LMCD1: variants seen among roughly 807,000 people sequenced by gnomAD.
LMCD1 encodes the protein LIM and cysteine rich domains 1.
A neutral mutation model predicts 42.7 loss-of-function variants in LMCD1; 32 were observed. That is an observed-to-expected ratio of 0.75 (90% confidence interval 0.57 to 1.01). The LOEUF (loss-of-function observed/expected upper bound fraction) is 1.01. Ranked by LOEUF, LMCD1 falls within the 50% of genes least tolerant of loss-of-function variation. LMCD1 has a pLI of 0.00. For synonymous variants in LMCD1, 178 were observed against 184.9 expected (o/e 0.96, Z 0.30); for missense variants, 458 against 483.1 (o/e 0.95, Z 0.49).
chr3:8,559,834 C>T (rs1347970782), intron 4 of LMCD1, among the ~76,000 whole-genome samples: 2 of 152,134 alleles, frequency 1.3e-5, no homozygotes, highest in Non-Finnish European at 2.9e-5. Context: ...TGAGAGGGCT[C>T]CTTACCTGGA....
intron 4 of LMCD1, among the ~76,000 whole-genome samples, chr3:8,552,595 A>G (rs1394988437): frequency 6.6e-6 from 1 of 152,144 alleles, no homozygotes. Flanking sequence ...CACTTTGAGG[A>G]CCGCTGCTAA....
intron 1 of LMCD1, among the ~76,000 whole-genome samples, chr3:8,516,525 A>G (rs1694104675): frequency 6.6e-6 from 1 of 152,166 alleles, no homozygotes; most frequent in South Asian, 2.1e-4. Flanking sequence ...AGTGCAAGAA[A>G]TCCTGAGAAG....
At chr3:8,534,880 T>C (rs1030346425) in intron 2 of LMCD1, among the ~76,000 whole-genome samples, 1 of 151,892 alleles carries the variant, frequency 6.6e-6, no homozygotes, top group Admixed American at 6.6e-5. Context: ...ACATGAAGAG[T>C]GTGAATAAAA....
chr3:8,550,336 C>T, intron 4 of LMCD1: 2 of 991,674 alleles, frequency 2.0e-6, no homozygotes, highest in Non-Finnish European at 2.4e-6. Flanking sequence ...GATAGAAGTC[C>T]CAGCACACGA....
intron 1 of LMCD1, among the ~76,000 whole-genome samples, chr3:8,530,325 C>A (rs908059127): frequency 4.6e-5 from 7 of 152,238 alleles, no homozygotes; most frequent in Admixed American, 4.6e-4. Flanking sequence ...AATGACTCAT[C>A]TCCAGTTACA....
chr3:8,571,140 G>C lies in LMCD1; in HGVS notation c.*3542G>C, dbSNP rs576407309. 2.0e-5 allele frequency: 3 copies of C among 152,262 alleles called. No individual in the cohort carries two copies. In the East Asian group the frequency reaches 5.8e-4, roughly 29 times the overall value. 9.4% of individuals were successfully genotyped at this position (152,262 alleles called of 1,614,324 possible). A position where few individuals can be genotyped will look rare whatever the true frequency, so the allele number is the denominator to read the frequency against. On this transcript the variant is annotated 3_prime_UTR_variant, in exon 6 of 6. Coordinates refer to ENST00000157600, the MANE Select transcript of LMCD1 (RefSeq NM_014583.4). ...TTTCCTCCCTCACCCTTCCCTTGGG[G>C]TGTTTTAGGTGCCCTTTATCTGTAA...
chr3:8,508,827 C>T (rs1693936124), intron 1 of LMCD1, among the ~76,000 whole-genome samples: 4 of 152,048 alleles, frequency 2.6e-5, no homozygotes, highest in Admixed American at 1.3e-4. Flanking sequence ...CCAGAGTATC[C>T]CAGTTTTGTG....
In LMCD1 at chr3:8,573,086, G is replaced by A. The variant is rs1462897601; in HGVS notation, c.*5488G>A. 1.3e-5 allele frequency: 2 copies of A among 152,146 alleles called. No homozygotes were observed. Among genetic ancestry groups the A allele is most frequent in the African/African-American group, 4.8e-5 (2 of 41,410 alleles). The allele number at this position is 152,146 out of a possible 1,614,324, so 9.4% of individuals were successfully genotyped here. A position where few individuals can be genotyped will look rare whatever the true frequency, so the allele number is the denominator to read the frequency against. On this transcript the variant is annotated 3_prime_UTR_variant, in exon 6 of 6. Coordinates refer to ENST00000157600, the MANE Select transcript of LMCD1 (RefSeq NM_014583.4). ...TTGATTTTCTTATTTTCTATGTAGG[G>A]TGGTACATTTCCTCATTTTGAGATA...
Position 8,520,535 on chromosome 3 carries a change from C to T in LMCD1, c.43-12202C>T, listed in dbSNP as rs561447493. ...GGGGTCCCCACAGGGACCTTATTTT[C>T]TTCTATCTTGATTTCCCTCAAGCTA... On this transcript the variant is annotated intron_variant, in intron 1 of 5. Transcript: ENST00000157600. Among the ~76,000 whole-genome samples the T allele has an allele frequency of 3.3e-5, 5 of 152,276 alleles. No homozygotes were observed. The South Asian group carries it at 1.0e-3, about 32-fold the overall frequency.
intron 1 of LMCD1, among the ~76,000 whole-genome samples, chr3:8,507,471 C>T (rs1693907962): frequency 1.3e-5 from 2 of 152,108 alleles, no homozygotes; most frequent in South Asian, 4.1e-4. Flanking sequence ...AGAAGCAAAC[C>T]CTTTTACATT....
chr3:8,542,687 G>A lies in LMCD1; in HGVS notation c.387+5247G>A, dbSNP rs187727116. Among the ~76,000 whole-genome samples the A allele has an allele frequency of 4.6e-5, 7 of 152,322 alleles. No homozygotes were observed. In the East Asian group the frequency reaches 1.4e-3, roughly 29 times the overall value. The stretch of plus-strand genomic sequence containing the variant: ...TATTTTTCCTCTTGGAAAATCATCC[G>A]TCTTCTAGAGAGGCAGCAGAGAAGG... On this transcript the variant is annotated intron_variant, in intron 3 of 5. Coordinates refer to ENST00000157600, the MANE Select transcript of LMCD1 (RefSeq NM_014583.4).
chr3:8,552,313 G>A (rs9818452), intron 4 of LMCD1, among the ~76,000 whole-genome samples: 3,035 of 152,262 alleles, frequency 0.02, 115 homozygotes, highest in African/African-American at 0.07. Context: ...GCTTATTCCT[G>A]GGAGAGCTAC....
chr3:8,561,712 G>C (rs1253760347), intron 4 of LMCD1, among the ~76,000 whole-genome samples: 8 of 152,186 alleles, frequency 5.3e-5, no homozygotes, highest in Non-Finnish European at 7.3e-5. Flanking sequence ...ATTTCTAAGA[G>C]AGAAGATAAT....
At chr3:8,537,464 C>T (rs772468315) in intron 3 of LMCD1, 24 bp downstream of exon 3, 2 of 1,533,626 alleles carry the variant, frequency 1.3e-6, no homozygotes, top group South Asian at 2.6e-5. Flanking sequence ...CCCAACCAAG[C>T]AGTTGTTTTC....
At chr3:8,541,075 C>T (rs1366378963) in intron 3 of LMCD1, among the ~76,000 whole-genome samples, 1 of 152,208 alleles carries the variant, frequency 6.6e-6, no homozygotes, top group Non-Finnish European at 1.5e-5. Flanking sequence ...AGAGAAGAAT[C>T]AGAACAGGGT....
chr3:8,502,082 C>A, intron 1 of LMCD1, 102 bp downstream of exon 1: 2 of 1,006,204 alleles, frequency 2.0e-6, no homozygotes, highest in Non-Finnish European at 2.9e-6. Context: ...GAAGGGAACT[C>A]TTTAAATTCC....
chr3:8,554,941 C>G (rs994659040), intron 4 of LMCD1, among the ~76,000 whole-genome samples: 1 of 152,130 alleles, frequency 6.6e-6, no homozygotes, highest in Non-Finnish European at 1.5e-5. Flanking sequence ...CCATTCCTGC[C>G]GGGCGCCTCC....
chr3:8,503,871 T>C (rs1027020287), intron 1 of LMCD1, among the ~76,000 whole-genome samples: 2 of 152,138 alleles, frequency 1.3e-5, no homozygotes, highest in Non-Finnish European at 2.9e-5. Flanking sequence ...CTGTATGAGG[T>C]GAGATGAGGT....
chr3:8,550,011 T>C (rs1694811984), intron 4 of LMCD1: 1 of 1,512,314 alleles, frequency 6.6e-7, no homozygotes, highest in Non-Finnish European at 8.9e-7. Flanking sequence ...CAGAGGATTA[T>C]GTTTCAACCT....
Sources: allele counts gnomAD v4.1 joint callset (sites outside exome capture counted in the v4.1 genomes callset), GRCh38; gene constraint gnomAD v4.1.1; transcripts MANE v1.5; gene names NCBI Gene and HGNC (gene_info 2026-07-23, HGNC 2026-07-21).